ACBD4: variants seen among roughly 807,000 people sequenced by gnomAD.
ACBD4 encodes acyl-CoA-binding domain-containing protein 4.
A neutral mutation model predicts 46.0 loss-of-function variants in ACBD4; 41 were observed. That is an observed-to-expected ratio of 0.89 (90% CI 0.69 to 1.16). ACBD4 has a LOEUF of 1.16. ACBD4 is among the 50% of genes most tolerant of loss of function. ACBD4 has a pLI of 0.00. For missense variants in ACBD4, 393 were observed against 399.5 expected (o/e 0.98, Z 0.14); for synonymous variants, 162 against 155.9 (o/e 1.04, Z -0.29).
upstream of ACBD4, among the ~76,000 whole-genome samples, chr17:45,134,965 G>A (rs1272404243): frequency 1.4e-5 from 2 of 145,584 alleles, no homozygotes; most frequent in African/African-American, 5.1e-5. Flanking sequence ...TGTCCATTTT[G>A]CTTACTCTTT....
upstream of ACBD4, among the ~76,000 whole-genome samples, chr17:45,131,937 C>G (rs930151467): frequency 6.6e-6 from 1 of 152,184 alleles, no homozygotes; most frequent in Non-Finnish European, 1.5e-5. Flanking sequence ...AGGGACACCC[C>G]AAGCCTCCCT....
In ACBD4 at chr17:45,137,120, C is replaced by T. The variant is rs771531216; in HGVS notation, c.396C>T (p.Thr132=). The T allele has an allele frequency of 4.3e-6, 7 of 1,614,134 alleles. No individual in the cohort carries two copies. Among genetic ancestry groups the T allele is most frequent in the Middle Eastern group, 1.6e-4 (1 of 6,062 alleles). Residue 132 remains threonine (T), a synonymous_variant, in exon 5 of 10, where the codon ACC becomes ACT. Transcript: ENST00000321854. ...CTGACATGCCGAGGCCCCCAGAGAC[C>T]TTCCTGAGAAGGGTCACAGGTCAGA... ...VIPDMPRPPE[T]FLRRVTGWKE...
intron 2 of ACBD4, 44 bp from the exon 3 acceptor site, chr17:45,136,456 G>A: frequency 6.3e-7 from 1 of 1,592,996 alleles, no homozygotes; most frequent in Non-Finnish European, 8.6e-7. Context: ...GCCCCTTGGA[G>A]CTGGGAGTGA....
chr17:45,136,525 G>A lies in ACBD4; in HGVS notation c.114G>A (p.Glu38=). The A allele has an allele frequency of 6.2e-7, 1 of 1,613,736 alleles. No individual in the cohort carries two copies. Among genetic ancestry groups the A allele is most frequent in the Non-Finnish European group, 8.5e-7 (1 of 1,179,908 alleles). Residue 38 remains glutamate (E), a synonymous_variant, in exon 3 of 10, where the codon GAG becomes GAA. Coordinates refer to ENST00000321854, the MANE Select transcript of ACBD4 (RefSeq NM_001135705.3). The part of the protein sequence containing the change: ...KNGSYRPSYE[E]MLRFYSYYKQ... ...GTTCTTACCGCCCCTCCTATGAAGAGATGCTGCGATTCTACAGTTACTACA... is the reference window on the plus strand; with the variant it reads ...GTTCTTACCGCCCCTCCTATGAAGAAATGCTGCGATTCTACAGTTACTACA...
chr17:45,143,748 C>G lies in ACBD4; in HGVS notation c.*177C>G, dbSNP rs1398023243. The stretch of plus-strand genomic sequence containing the variant: ...GACCCCACCCCTCCCTGCAGCTTCA[C>G]AGGGACGCTTCCTTCCCTCCCCGCA... On this transcript the variant is annotated 3_prime_UTR_variant, in exon 10 of 10. Transcript: ENST00000321854. 1 of 1,076,834 alleles carries G rather than the reference C, an allele frequency of 9.3e-7. No individual in the cohort carries two copies. Among genetic ancestry groups the G allele is most frequent in the African/African-American group, 1.6e-5 (1 of 62,696 alleles). 66.7% of individuals were successfully genotyped at this position (1,076,834 alleles called of 1,614,324 possible).
In ACBD4 at chr17:45,143,636, G is replaced by A. The variant is rs2055431818; in HGVS notation, c.*65G>A. 2 of 1,612,020 alleles carry A rather than the reference G, an allele frequency of 1.2e-6. No homozygotes were observed. The highest frequency in any genetic ancestry group is 1.7e-5 in the Admixed American group (1 of 59,866). ...TTGCTGTGCCCTGAGCCTTCCTAGG[G>A]TTTAGAAGAACAGCATTCAAAATTC... is the stretch of plus-strand genomic sequence containing the variant. On this transcript the variant is annotated 3_prime_UTR_variant, in exon 10 of 10. Transcript: ENST00000321854.
chr17:45,143,451 G>T lies in ACBD4; in HGVS notation c.798G>T (p.Gln266His). 2 of 1,609,844 alleles carry T rather than the reference G, an allele frequency of 1.2e-6. No homozygotes were observed. The highest frequency in any genetic ancestry group is 2.2e-5 in the East Asian group (1 of 44,860). Reference protein sequence around the residue: ...SMPRPPEQRPQPRPSARPWPL... With the variant: ...SMPRPPEQRPHPRPSARPWPL... ...CTCCCTCTTGGCTGCAGAGGCCGCA[G>T]CCCAGGCCCAGTGCTCGGCCATGGC... is the stretch of plus-strand genomic sequence containing the variant. The change falls in exon 10 of 10, where the codon CAG becomes CAT. Residue 266 changes from glutamine to histidine, a missense_variant. By Grantham distance (24) the Gln-to-His change is conservative (BLOSUM62 0). Around this residue, in one of 3 missense-constraint regions of ACBD4, gnomAD observed 308 missense variants for 301.8 expected, o/e 1.02. Transcript: ENST00000321854.
In ACBD4 at chr17:45,143,459, C is replaced by T; in HGVS notation, c.806C>T (p.Pro269Leu). Reference protein sequence around the residue: ...RPPEQRPQPRPSARPWPLGLP... With the variant: ...RPPEQRPQPRLSARPWPLGLP... ...TGGCTGCAGAGGCCGCAGCCCAGGC[C>T]CAGTGCTCGGCCATGGCCCCTTGGG... Residue 269 changes from proline to leucine, a missense_variant, in exon 10 of 10, where the codon CCC becomes CTC. By Grantham distance (98) the Pro-to-Leu change is moderately conservative. This residue lies in a region of ACBD4 where 308 missense variants were observed against 301.8 expected (regional missense o/e 1.02). Transcript: ENST00000321854. 5 of 1,611,350 alleles carry T rather than the reference C, an allele frequency of 3.1e-6. No homozygotes were observed. The highest frequency in any genetic ancestry group is 4.2e-6 in the Non-Finnish European group (5 of 1,179,632).
chr17:45,136,975 G>A (rs2054885874), intron 4 of ACBD4, 44 bp from the exon 5 acceptor site: 1 of 1,612,212 alleles, frequency 6.2e-7, no homozygotes, highest in Non-Finnish European at 8.5e-7. Context: ...AGGGAGGAAG[G>A]GACAGGAGGC....
intron 8 of ACBD4, 62 bp from the exon 9 acceptor site, chr17:45,138,959 C>T: frequency 6.3e-7 from 1 of 1,585,762 alleles, no homozygotes; most frequent in Non-Finnish European, 8.6e-7. Context: ...CAGCCTGCCC[C>T]CACCCTGCCC....
upstream of ACBD4, chr17:45,133,127 TG>T (rs2054543662): frequency 6.6e-6 from 1 of 152,258 alleles, no homozygotes; most frequent in South Asian, 2.1e-4. Context: ...CAACTGGTTC[TG>T]GGTTCGAGGC....
In ACBD4 at chr17:45,136,745, A is replaced by C; in HGVS notation, c.263A>C (p.Tyr88Ser). The change falls in exon 4 of 10, where the codon TAC (tyrosine) becomes TCC (serine). Residue 88 changes from tyrosine to serine, a missense_variant. By Grantham distance (144) the Tyr-to-Ser change is moderately radical. Around this residue, in one of 3 missense-constraint regions of ACBD4, gnomAD observed 308 missense variants for 301.8 expected, o/e 1.02. Transcript: ENST00000321854. ...AGCAGGGAGGAGGCCATGTCTGCCT[A>C]CATCACTGAAATGAAACTGGTGGCA... ...KMSREEAMSA[Y>S]ITEMKLVAQK... 6.2e-7 allele frequency: 1 copy of C among 1,613,746 alleles called. No individual in the cohort carries two copies. Among genetic ancestry groups the C allele is most frequent in the Non-Finnish European group, 8.5e-7 (1 of 1,180,026 alleles).
At chr17:45,135,059 G>A (rs1222456512), upstream of ACBD4, among the ~76,000 whole-genome samples, 2 of 151,026 alleles carry the variant, frequency 1.3e-5, no homozygotes, top group Non-Finnish European at 2.9e-5. Flanking sequence ...TCCACCTCCC[G>A]GGTTCAAGCG....
chr17:45,136,371 T>G, intron 2 of ACBD4, 129 bp from the exon 3 acceptor site: 3 of 1,460,106 alleles, frequency 2.1e-6, no homozygotes, highest in Non-Finnish European at 1.9e-6. Context: ...CTCCGCTTCC[T>G]ATCCTAGTCC....
Position 45,137,972 on chromosome 17 carries a change from GC to G in ACBD4, c.639del (p.Thr214GlnfsTer116). On this transcript the variant is annotated frameshift_variant, in exon 8 of 10. Coordinates refer to ENST00000321854, the MANE Select transcript of ACBD4 (RefSeq NM_001135705.3). LOFTEE classifies it high-confidence loss of function. ...AGCGTGATCCCAGGAACAGCCCCGTGCCCCCCACAAAGAAAGGTGAGCTCCT... is the reference window on the plus strand; with the variant it reads ...AGCGTGATCCCAGGAACAGCCCCGTGCCCCCACAAAGAAAGGTGAGCTCCT... ...GKRDPRNSPV[P>X]PTKKEGLRGS... 3.7e-6 allele frequency: 6 copies of G among 1,613,596 alleles called. No homozygotes were observed. The highest frequency in any genetic ancestry group is 2.2e-5 in the East Asian group (1 of 44,878).
chr17:45,142,372 G>GAC (rs1329003637), intron 9 of ACBD4, among the ~76,000 whole-genome samples: 2 of 91,936 alleles, frequency 2.2e-5, no homozygotes, highest in East Asian at 6.4e-4. Flanking sequence ...TAGCCTGGGA[G>GAC]ACAGAGCAAG....
intron 9 of ACBD4, among the ~76,000 whole-genome samples, chr17:45,140,539 T>C (rs892255054): frequency 6.7e-6 from 1 of 148,784 alleles, no homozygotes; most frequent in Non-Finnish European, 1.5e-5. Flanking sequence ...TTAAAGTAGA[T>C]TACAGGCCAG....
At position 45,143,519 on chromosome 17, in the gene ACBD4, G is replaced by C. The variant is rs773336574; in HGVS notation, c.866G>C (p.Trp289Ser). Reference protein sequence around the residue: ...PGPALLFFLLWPFVVQWLFRM... With the variant: ...PGPALLFFLLSPFVVQWLFRM... ...CCCGCGCTGCTCTTCTTCCTCCTGT[G>C]GCCCTTCGTCGTCCAGTGGCTCTTC... The change falls in exon 10 of 10, where the codon TGG (tryptophan) becomes TCG (serine). Residue 289 changes from tryptophan to serine, a missense_variant. This residue lies in a region of ACBD4 where 308 missense variants were observed against 301.8 expected (regional missense o/e 1.02). Transcript: ENST00000321854. The C allele has an allele frequency of 3.1e-6, 5 of 1,613,936 alleles. No homozygotes were observed. Among genetic ancestry groups the C allele is most frequent in the Non-Finnish European group, 2.5e-6 (3 of 1,179,978 alleles).
intron 5 of ACBD4, 50 bp from the exon 6 acceptor site, chr17:45,137,318 G>C: frequency 6.2e-7 from 1 of 1,609,406 alleles, no homozygotes; most frequent in East Asian, 2.2e-5. Context: ...ATCACACTGG[G>C]AGGTGCCAGC....
Sources: allele counts gnomAD v4.1 joint callset (sites outside exome capture counted in the v4.1 genomes callset), GRCh38; gene constraint gnomAD v4.1.1; regional missense constraint gnomAD v4.1.1; transcripts MANE v1.5; gene names NCBI Gene and HGNC (gene_info 2026-07-23, HGNC 2026-07-21).